The following FGFR2 variants were observed in gnomAD, a reference collection of about 807,000 sequenced individuals.
FGFR2 encodes BEK fibroblast growth factor receptor.
FGFR2 carries 19 observed loss-of-function variants against 95.9 expected under a neutral mutation model. That is an observed-to-expected ratio of 0.20 (90% CI 0.14 to 0.29). FGFR2 has a LOEUF of 0.29. FGFR2 is among the 10% of genes least tolerant of loss of function. The pLI is 1.00. For missense variants in FGFR2, 707 were observed against 1,056.9 expected, an observed-to-expected ratio of 0.67 and a Z score of 4.59; for synonymous variants, 392 against 393.3, an observed-to-expected ratio of 1.00 and a Z score of 0.04.
rs372616561 is a variant in FGFR2, at chr10:121,527,017, G to A, written c.749-6848C>T. On this transcript the variant is annotated intron_variant, in intron 6 of 17. Coordinates refer to ENST00000358487, the MANE Select transcript of FGFR2 (RefSeq NM_000141.5). ...CTCCCTCCAGCACTAAAGTCACAAA[G>A]TGACTTATGGAGGCTGCACCCTGTG... 1.5e-4 allele frequency: 53 copies of A among 355,592 alleles called. No homozygotes were observed. The East Asian group carries it at 2.0e-3, about 13-fold the overall frequency. 22.0% of individuals were successfully genotyped at this position (355,592 alleles called of 1,614,324 possible). A position where few individuals can be genotyped will look rare whatever the true frequency, so the allele number is the denominator to read the frequency against.
Position 121,479,774 on chromosome 10 carries a change from A to C in FGFR2, c.*83T>G. 1 of 1,613,098 alleles carries C rather than the reference A, an allele frequency of 6.2e-7. No homozygotes were observed. Among genetic ancestry groups the C allele is most frequent in the Admixed American group, 1.7e-5 (1 of 60,020 alleles). Reference sequence around the variant, plus strand: ...ATCCATATATACAAGTGGAGACAACAAGCTCTGGGAGGCATGGTCTCCCTG... The same window carrying C: ...ATCCATATATACAAGTGGAGACAACCAGCTCTGGGAGGCATGGTCTCCCTG... On this transcript the variant is annotated 3_prime_UTR_variant, in exon 18 of 18. Coordinates refer to ENST00000358487, the MANE Select transcript of FGFR2 (RefSeq NM_000141.5).
intron 12 of FGFR2, among the ~76,000 whole-genome samples, chr10:121,497,849 A>C (rs1280131769): frequency 1.3e-5 from 2 of 152,240 alleles, no homozygotes; most frequent in East Asian, 3.8e-4. Flanking sequence ...AAAGTCTAAA[A>C]TATCTACGAC....
chr10:121,549,973 A>G (rs1414892679), intron 5 of FGFR2, among the ~76,000 whole-genome samples: 5 of 152,202 alleles, frequency 3.3e-5, no homozygotes, highest in African/African-American at 1.2e-4. Flanking sequence ...ATGCAGCAAC[A>G]GGTAACTAAT....
intron 15 of FGFR2, among the ~76,000 whole-genome samples, chr10:121,486,589 G>A (rs1032217367): frequency 3.3e-5 from 5 of 152,136 alleles, no homozygotes; most frequent in African/African-American, 1.2e-4. Context: ...TTACAGACAC[G>A]CATAACTACG....
chr10:121,548,540 C>G (rs1461750301), intron 5 of FGFR2, among the ~76,000 whole-genome samples: 2 of 152,044 alleles, frequency 1.3e-5, no homozygotes, highest in Non-Finnish European at 2.9e-5. Flanking sequence ...ATTAGGCCCT[C>G]TTAGTCTCTT....
intron 2 of FGFR2, among the ~76,000 whole-genome samples, chr10:121,574,868 G>A (rs1477733334): frequency 1.3e-5 from 2 of 152,230 alleles, no homozygotes; most frequent in Admixed American, 1.3e-4. Context: ...ACAAAAAGAA[G>A]TCAAAGCAAC....
chr10:121,559,994 C>A (rs1000880320), intron 4 of FGFR2, among the ~76,000 whole-genome samples: 7 of 152,200 alleles, frequency 4.6e-5, no homozygotes, highest in African/African-American at 1.7e-4. Context: ...CATCCAAAAA[C>A]CAAGCTGACA....
At chr10:121,595,961 C>G (rs1481024012) in intron 1 of FGFR2, among the ~76,000 whole-genome samples, 1 of 152,250 alleles carries the variant, frequency 6.6e-6, no homozygotes, top group Non-Finnish European at 1.5e-5. Context: ...GGCGACAGGT[C>G]TGCACAGTTC....
At chr10:121,489,568 T>C (rs1845867294) in intron 13 of FGFR2, among the ~76,000 whole-genome samples, 1 of 152,168 alleles carries the variant, frequency 6.6e-6, no homozygotes, top group African/African-American at 2.4e-5. Flanking sequence ...AGTTCGTATC[T>C]CCATCATGAC....
In FGFR2 at chr10:121,479,734, T is replaced by G; in HGVS notation, c.*123A>C. ...ACACATATGCTGATTACTTTTCCAA[T>G]TATTTACTCCTCTGATCCATATATA... On this transcript the variant is annotated 3_prime_UTR_variant, in exon 18 of 18. Transcript: ENST00000358487. 5.0e-6 allele frequency: 8 copies of G among 1,611,202 alleles called. No individual in the cohort carries two copies. In the South Asian group the frequency reaches 7.7e-5, roughly 16 times the overall value.
intron 13 of FGFR2, among the ~76,000 whole-genome samples, chr10:121,494,230 C>A (rs557067223): frequency 6.6e-6 from 1 of 152,148 alleles, no homozygotes; most frequent in Admixed American, 6.5e-5. Context: ...CTCCATGGCA[C>A]CTTTTTCAAT....
intron 2 of FGFR2, among the ~76,000 whole-genome samples, chr10:121,572,158 G>T (rs28447442): frequency 9.4e-6 from 1 of 105,848 alleles, no homozygotes; most frequent in Non-Finnish European, 1.9e-5. Context: ...CACAAAAAAT[G>T]AAAAAAAAAA....
rs565378818 is a variant in FGFR2, at chr10:121,545,919, C to A, written c.624+5371G>T. On this transcript the variant is annotated intron_variant, in intron 5 of 17. Transcript: ENST00000358487. ...AGGGGAACCTGAACCCCTGTAATAC[C>A]CAACGCTGAGGGCTTCTGTGCCAAT... Among the ~76,000 whole-genome samples, 7 of 152,184 alleles carry A rather than the reference C, an allele frequency of 4.6e-5. 1 individual carries two copies. The highest frequency in any genetic ancestry group is 1.7e-4 in the African/African-American group (7 of 41,504).
At chr10:121,503,723 T>C (rs1847899114) in intron 10 of FGFR2, 67 bp downstream of exon 10, 12 of 1,580,566 alleles carry the variant, frequency 7.6e-6, no homozygotes, top group Non-Finnish European at 1.0e-5. Flanking sequence ...AAAAAGAAAA[T>C]GTTAATCCAA....
At position 121,501,037 on chromosome 10, in the gene FGFR2, C is replaced by T. The variant is rs752001293; in HGVS notation, c.1440-90G>A. The T allele has an allele frequency of 1.9e-4, 302 of 1,576,574 alleles. 1 individual carries two copies. The highest frequency in any genetic ancestry group is 8.1e-5 in the Non-Finnish European group (94 of 1,160,596). On this transcript the variant is annotated intron_variant, in intron 10 of 17. Coordinates refer to ENST00000358487, the MANE Select transcript of FGFR2 (RefSeq NM_000141.5). ...AGAACTAAATATAAAAATCTTTCAG[C>T]GGCTTACTAAAGCATGGAGTGCTTA...
intron 9 of FGFR2, among the ~76,000 whole-genome samples, chr10:121,512,924 C>A (rs1484832214): frequency 6.6e-6 from 1 of 152,024 alleles, no homozygotes; most frequent in East Asian, 1.9e-4. Flanking sequence ...GGCTGGAGCG[C>A]AATGGTGTGA....
chr10:121,514,736 T>C (rs1435362374), intron 9 of FGFR2, among the ~76,000 whole-genome samples: 1 of 152,236 alleles, frequency 6.6e-6, no homozygotes, highest in African/African-American at 2.4e-5. Context: ...AAGCGAATGT[T>C]CATGCTTATC....
At position 121,570,986 on chromosome 10, in the gene FGFR2, C is replaced by CT. The variant is rs1445724530; in HGVS notation, c.110-5283dup. On this transcript the variant is annotated intron_variant, in intron 2 of 17. Transcript: ENST00000358487. ...TACCAGCAGCGTGTTAGCAAGCAGC[C>CT]TTTTTTTTCTTTTTTTTTTTGAGAC... 7.8e-4 allele frequency among the ~76,000 whole-genome samples: 116 copies of CT among 148,158 alleles called. 4 individuals are homozygous for CT. Among genetic ancestry groups the CT allele is most frequent in the Non-Finnish European group, 2.1e-4 (14 of 66,988 alleles).
At chr10:121,498,398 G>A in intron 12 of FGFR2, 97 bp downstream of exon 12, 1 of 812,830 alleles carries the variant, frequency 1.2e-6, no homozygotes, top group Non-Finnish European at 2.2e-6. Flanking sequence ...TGCACACAGG[G>A]TGCTCTGGGA....
Sources: allele counts gnomAD v4.1 joint callset (sites outside exome capture counted in the v4.1 genomes callset), GRCh38; gene constraint gnomAD v4.1.1; transcripts MANE v1.5; gene names NCBI Gene and HGNC (gene_info 2026-07-23, HGNC 2026-07-21).